CDH23: variants seen among roughly 807,000 people sequenced by gnomAD.
The protein encoded by CDH23 is cadherin-23.
Under a neutral mutation model 317.1 loss-of-function variants are expected in CDH23, and 189 were observed. The ratio of observed to expected loss-of-function variants is 0.60; its 90% CI spans 0.53 to 0.67. The LOEUF (loss-of-function observed/expected upper bound fraction) is 0.67, where lower values mean the gene tolerates loss of function less well. CDH23 is among the 30% of genes least tolerant of loss of function. The pLI is 0.00. For synonymous variants in CDH23, 1,839 were observed against 1,876.8 expected, an observed-to-expected ratio of 0.98 and a Z score of 0.52; for missense variants, 4,401 against 4,592.4, an observed-to-expected ratio of 0.96 and a Z score of 1.20.
chr10:71,806,009 G>T lies in CDH23; in HGVS notation c.8064+12G>T. ...AGGCGGTGTACAGCGTAAGGGCGGGGCCCGGTGCGAGGGGCGGGGTCTGGG... is the reference window on the plus strand; with the variant it reads ...AGGCGGTGTACAGCGTAAGGGCGGGTCCCGGTGCGAGGGGCGGGGTCTGGG... On this transcript the variant is annotated intron_variant, in intron 56 of 69. Coordinates refer to ENST00000224721, the MANE Select transcript of CDH23 (RefSeq NM_022124.6). 1 of 1,501,332 alleles carries T rather than the reference G, an allele frequency of 6.7e-7. No homozygotes were observed. The allele number at this position is 1,501,332 out of a possible 1,614,324, so 93.0% of individuals were successfully genotyped here. A position where few individuals can be genotyped will look rare whatever the true frequency, so the allele number is the denominator to read the frequency against.
intron 1 of CDH23, among the ~76,000 whole-genome samples, chr10:71,427,087 G>C (rs1589292067): frequency 6.6e-6 from 1 of 150,490 alleles, no homozygotes; most frequent in Admixed American, 6.6e-5. Flanking sequence ...GGAGGTTGAG[G>C]CTGCAGTGAG....
At position 71,445,562 on chromosome 10, in the gene CDH23, C is replaced by A. The variant is rs542732967; in HGVS notation, c.68-756C>A. Among the ~76,000 whole-genome samples, 6 of 152,312 alleles carry A rather than the reference C, an allele frequency of 3.9e-5. No individual in the cohort carries two copies. The East Asian group carries it at 9.6e-4, about 24-fold the overall frequency. ...GCACTAGAAAAGTAAAAAGAGACAACGTGCGATGGCTCACGCCTGTAATCT... is the reference window on the plus strand; with the variant it reads ...GCACTAGAAAAGTAAAAAGAGACAAAGTGCGATGGCTCACGCCTGTAATCT... On this transcript the variant is annotated intron_variant, in intron 2 of 69. Coordinates refer to ENST00000224721, the MANE Select transcript of CDH23 (RefSeq NM_022124.6).
intron 3 of CDH23, among the ~76,000 whole-genome samples, chr10:71,478,277 C>T (rs1851892520): frequency 6.6e-6 from 1 of 152,220 alleles, no homozygotes; most frequent in Admixed American, 6.5e-5. Context: ...CATCTCTTAC[C>T]ACTGTATGGT....
chr10:71,442,724 C>A (rs892372707), intron 2 of CDH23, among the ~76,000 whole-genome samples: 3 of 152,184 alleles, frequency 2.0e-5, no homozygotes, highest in African/African-American at 7.2e-5. Context: ...AAGCATTCTG[C>A]TGGGTCACTC....
At chr10:71,417,840 G>A (rs1463469239) in intron 1 of CDH23, among the ~76,000 whole-genome samples, 3 of 152,142 alleles carry the variant, frequency 2.0e-5, no homozygotes, top group East Asian at 1.9e-4. Flanking sequence ...TAACTCATGA[G>A]CTCAAATGAT....
In CDH23 at chr10:71,439,916, C is replaced by T. The variant is rs1289310998; in HGVS notation, c.67+18C>T. The T allele has an allele frequency of 3.8e-6, 6 of 1,560,236 alleles. No individual in the cohort carries two copies. The highest frequency in any genetic ancestry group is 2.4e-5 in the East Asian group (1 of 42,054). On this transcript the variant is annotated intron_variant, in intron 2 of 69. Transcript: ENST00000224721. ...ATGCTGGGGTAAGTCCAGTCCTCCC[C>T]GTGTCTATCCCATGGGCAGCCTCTG...
At chr10:71,667,132 C>T (rs1863934769) in intron 14 of CDH23, among the ~76,000 whole-genome samples, 2 of 152,244 alleles carry the variant, frequency 1.3e-5, no homozygotes, top group Non-Finnish European at 2.9e-5. Flanking sequence ...GCAGCTGGGC[C>T]TGCCTTGCTT....
chr10:71,725,713 T>G (rs980664221), intron 30 of CDH23, among the ~76,000 whole-genome samples, 193 bp downstream of exon 30: 3 of 152,184 alleles, frequency 2.0e-5, no homozygotes, highest in African/African-American at 7.2e-5. Context: ...TGCTGTGAGT[T>G]TGTTCCTCCA....
At position 71,793,738 on chromosome 10, in the gene CDH23, G is replaced by C; in HGVS notation, c.6712+98G>C. 4 of 931,326 alleles carry C rather than the reference G, an allele frequency of 4.3e-6. No individual in the cohort carries two copies. The South Asian group carries it at 7.1e-5, about 16-fold the overall frequency. The allele number at this position is 931,326 out of a possible 1,614,324, so 57.7% of individuals were successfully genotyped here. A position where few individuals can be genotyped will look rare whatever the true frequency, so the allele number is the denominator to read the frequency against. ...TCTTTCTCCTTTCTCTTTCTTTGCT[G>C]TTCCCTTGCTACTCTCTTCTCTCCC... On this transcript the variant is annotated intron_variant, in intron 48 of 69. Transcript: ENST00000224721.
At chr10:71,796,115 G>A (rs1438463126) in intron 48 of CDH23, 5 of 984,590 alleles carry the variant, frequency 5.1e-6, no homozygotes, top group Non-Finnish European at 6.0e-6. Context: ...ACCCACGGAA[G>A]ACAGAAGCCC....
At chr10:71,762,082 A>C in intron 38 of CDH23, 2 of 1,514,084 alleles carry the variant, frequency 1.3e-6, no homozygotes, top group Non-Finnish European at 1.8e-6. Flanking sequence ...ACTCCTGGCA[A>C]CCCCAGAGCG....
chr10:71,638,876 A>G (rs1640007603), intron 11 of CDH23, among the ~76,000 whole-genome samples: 1 of 152,096 alleles, frequency 6.6e-6, no homozygotes, highest in South Asian at 2.1e-4. Flanking sequence ...ACTTCCAGGA[A>G]TGGGAGGCAG....
intron 9 of CDH23, among the ~76,000 whole-genome samples, chr10:71,603,292 C>T (rs369630752): frequency 1.3e-5 from 2 of 152,224 alleles, no homozygotes; most frequent in South Asian, 4.1e-4. Context: ...TTCCTCCCTC[C>T]CCCTCCTTCC....
At chr10:71,796,976 A>C (rs1054749656) in intron 48 of CDH23, 128 bp from the exon 49 acceptor site, 8 of 643,566 alleles carry the variant, frequency 1.2e-5, no homozygotes, top group South Asian at 5.0e-5. Context: ...CCCAGCCACA[A>C]GTCCCAGATT....
chr10:71,739,620 C>G (rs1410357486), intron 35 of CDH23, 24 bp from the exon 36 acceptor site: 1 of 1,610,462 alleles, frequency 6.2e-7, no homozygotes, highest in Admixed American at 1.7e-5. Context: ...CCTGCTCACC[C>G]CTCACCCTCT....
At chr10:71,667,112 T>C (rs7073692) in intron 14 of CDH23, among the ~76,000 whole-genome samples, 9,767 of 152,332 alleles carry the variant, frequency 0.064, 527 homozygotes, top group African/African-American at 0.15. Flanking sequence ...GACCCAGGGC[T>C]GCTGCGGAGG....
At chr10:71,624,132 C>T (rs1861598460) in intron 11 of CDH23, among the ~76,000 whole-genome samples, 1 of 152,320 alleles carries the variant, frequency 6.6e-6, no homozygotes, top group East Asian at 1.9e-4. Flanking sequence ...TGCCCACTGA[C>T]CCTGCAGCCA....
chr10:71,575,361 C>T (rs1212718642), intron 8 of CDH23, among the ~76,000 whole-genome samples: 1 of 152,070 alleles, frequency 6.6e-6, no homozygotes, highest in Non-Finnish European at 1.5e-5. Flanking sequence ...GAGTGCTTCA[C>T]GTTTATCGGC....
chr10:71,644,086 G>A (rs1862709211), intron 12 of CDH23, among the ~76,000 whole-genome samples: 1 of 152,264 alleles, frequency 6.6e-6, no homozygotes, highest in Admixed American at 6.5e-5. Flanking sequence ...TGCCCCTTCG[G>A]GCATTTAATT....
Sources: gnomAD v4.1 joint callset for allele counts (sites outside exome capture counted in the v4.1 genomes callset) on GRCh38, gnomAD v4.1.1 for gene constraint, MANE v1.5 for transcripts, NCBI Gene and HGNC (gene_info 2026-07-23, HGNC 2026-07-21) for gene names.